Variants in MIIP observed in about 807,000 individuals in gnomAD.
MIIP encodes the protein migration and invasion-inhibitory protein.
Under a neutral mutation model 44.8 loss-of-function variants are expected in MIIP, and 44 were observed. The ratio of observed to expected loss-of-function variants is 0.98; its 90% CI spans 0.77 to 1.26. The LOEUF (loss-of-function observed/expected upper bound fraction) is 1.26. MIIP is among the 50% of genes most tolerant of loss of function. MIIP has a pLI of 0.00. For synonymous variants in MIIP, 225 were observed against 218.3 expected (o/e 1.03, Z -0.27); for missense variants, 496 against 511.7 (o/e 0.97, Z 0.30).
chr1:12,031,584 C>G, intron 9 of MIIP, 138 bp from the exon 10 acceptor site: 1 of 1,605,074 alleles, frequency 6.2e-7, no homozygotes, highest in Non-Finnish European at 8.5e-7. Context: ...CTCGGAACTC[C>G]TCTGCTCCCT....
chr1:12,022,055 C>G (rs1423226972), intron 2 of MIIP, 40 bp from the exon 3 acceptor site: 1 of 1,591,934 alleles, frequency 6.3e-7, no homozygotes, highest in African/African-American at 1.3e-5. Context: ...TGGGTAGGTT[C>G]TGGCAGCCAC....
At chr1:12,030,675 T>C (rs1186883168) in intron 8 of MIIP, among the ~76,000 whole-genome samples, 1 of 143,990 alleles carries the variant, frequency 6.9e-6, no homozygotes, top group Non-Finnish European at 1.5e-5. Flanking sequence ...CTTGGGAGGC[T>C]GAGGTGGGAG....
intron 4 of MIIP, among the ~76,000 whole-genome samples, chr1:12,025,981 A>G (rs1165304869): frequency 6.6e-6 from 1 of 151,470 alleles, no homozygotes; most frequent in Non-Finnish European, 1.5e-5. Context: ...TACACACATA[A>G]TGGGGTGGCC....
intron 4 of MIIP, among the ~76,000 whole-genome samples, chr1:12,027,529 C>T (rs1640129247): frequency 1.3e-5 from 2 of 152,162 alleles, no homozygotes; most frequent in Admixed American, 6.6e-5. Context: ...TGTTGGTGCT[C>T]CTTCCCAGGC....
chr1:12,019,648 A>C (rs1028886681), intron 1 of MIIP, 96 bp downstream of exon 1: 1 of 152,338 alleles, frequency 6.6e-6, no homozygotes, highest in Non-Finnish European at 1.5e-5. Context: ...GCAGTGGAAA[A>C]GAAGGGTAGG....
rs1303799599 is a variant in MIIP at position 12,031,872 on chromosome 1, A to G, written c.*64A>G. 2.0e-6 allele frequency: 3 copies of G among 1,510,978 alleles called. No homozygotes were observed. The African/African-American group carries it at 4.1e-5, about 21-fold the overall frequency. 93.6% of individuals were successfully genotyped at this position (1,510,978 alleles called of 1,614,324 possible). ...CCAGCCTCTCCCCTCTGGCAGGCGC[A>G]CCCAGGAGATGGAATCCCCTGCCCG... On this transcript the variant is annotated 3_prime_UTR_variant, in exon 10 of 10. Coordinates refer to ENST00000235332, the MANE Select transcript of MIIP (RefSeq NM_021933.4).
At chr1:12,025,521 TAGC>T (rs930732157) in intron 4 of MIIP, among the ~76,000 whole-genome samples, 2 of 152,170 alleles carry the variant, frequency 1.3e-5, no homozygotes, top group Non-Finnish European at 2.9e-5. Flanking sequence ...ACTTTTGACA[TAGC>T]AGCCAGAGGG....
chr1:12,024,694 A>G (rs140109257), intron 4 of MIIP, among the ~76,000 whole-genome samples: 1 of 152,308 alleles, frequency 6.6e-6, no homozygotes, highest in East Asian at 1.9e-4. Context: ...TACAGGCGTG[A>G]GCCACTGCTC....
intron 4 of MIIP, among the ~76,000 whole-genome samples, chr1:12,026,635 G>T (rs984615463): frequency 6.6e-6 from 1 of 152,152 alleles, no homozygotes; most frequent in Non-Finnish European, 1.5e-5. Flanking sequence ...GAGCATGAAC[G>T]TGCAGGAAGC....
intron 4 of MIIP, among the ~76,000 whole-genome samples, chr1:12,025,808 C>A (rs981661290): frequency 2.0e-5 from 3 of 152,094 alleles, no homozygotes; most frequent in Non-Finnish European, 2.9e-5. Flanking sequence ...TCAAGCAATT[C>A]TTCCTCAGCC....
Position 12,031,970 on chromosome 1 carries a change from A to T in MIIP, c.*162A>T, listed in dbSNP as rs1381733070. On this transcript the variant is annotated 3_prime_UTR_variant, in exon 10 of 10. Transcript: ENST00000235332. ...AGCTTGTCTGCTGCCTGAGTTCCAGAGAGGGAGGACCCTGGGGTGGAGGGT... is the reference window on the plus strand; with the variant it reads ...AGCTTGTCTGCTGCCTGAGTTCCAGTGAGGGAGGACCCTGGGGTGGAGGGT... 1.5e-6 allele frequency: 1 copy of T among 668,542 alleles called. No individual in the cohort carries two copies. The highest frequency in any genetic ancestry group is 2.6e-6 in the Non-Finnish European group (1 of 390,590). The allele number at this position is 668,542 out of a possible 1,614,324, so 41.4% of individuals were successfully genotyped here. A position where few individuals can be genotyped will look rare whatever the true frequency, so the allele number is the denominator to read the frequency against.
chr1:12,026,717 C>T (rs773902028), intron 4 of MIIP, among the ~76,000 whole-genome samples: 57 of 152,206 alleles, frequency 3.7e-4, no homozygotes, highest in Non-Finnish European at 6.6e-4. Flanking sequence ...CTGTTCCTCC[C>T]GCTGACTCCT....
rs536721639 is a variant in MIIP at position 12,022,665 on chromosome 1, A to G, written c.463-168A>G. 1.3e-5 allele frequency among the ~76,000 whole-genome samples: 2 copies of G among 152,348 alleles called. 1 individual carries two copies. Among genetic ancestry groups the G allele is most frequent in the South Asian group, 4.1e-4 (2 of 4,832 alleles). Reference sequence around the variant, plus strand: ...GGCCAGGATTTGTTCACAGCCACACATAAAGTGGGGCCAAACGTTTCCCTT... The same window carrying G: ...GGCCAGGATTTGTTCACAGCCACACGTAAAGTGGGGCCAAACGTTTCCCTT... On this transcript the variant is annotated intron_variant, in intron 3 of 9. Transcript: ENST00000235332.
rs535002460 is a variant in MIIP, at chr1:12,022,387, C to T, written c.407C>T (p.Pro136Leu). 14 of 1,608,946 alleles carry T rather than the reference C, an allele frequency of 8.7e-6. No individual in the cohort carries two copies. Among genetic ancestry groups the T allele is most frequent in the African/African-American group, 6.7e-5 (5 of 74,610 alleles). ...EPSGRLGDPG[P>L]QEAQTPRSIL... ...TCAGGGAGGCTGGGTGATCCAGGAC[C>T]CCAGGAGGCACAGACCCCGAGGTCC... The change falls in exon 3 of 10, where the codon CCC becomes CTC. Residue 136 changes from proline to leucine, a missense_variant. Coordinates refer to ENST00000235332, the MANE Select transcript of MIIP (RefSeq NM_021933.4).
intron 4 of MIIP, among the ~76,000 whole-genome samples, chr1:12,026,118 A>G (rs566297156): frequency 1.2e-4 from 18 of 152,062 alleles, no homozygotes; most frequent in South Asian, 2.1e-4. Context: ...CAGCCTGAGC[A>G]TCGTGGTGAA....
At chr1:12,022,715 C>A in intron 3 of MIIP, 118 bp from the exon 4 acceptor site, 2 of 825,656 alleles carry the variant, frequency 2.4e-6, no homozygotes, top group Non-Finnish European at 3.9e-6. Context: ...CTTGGCTGAG[C>A]CCTGGGCTGC....
chr1:12,024,099 G>C (rs1253576829), intron 4 of MIIP: 1 of 152,122 alleles, frequency 6.6e-6, no homozygotes, highest in Non-Finnish European at 1.5e-5. Context: ...ATACAATTGC[G>C]ATAACTCACT....
At chr1:12,031,525 G>A in intron 9 of MIIP, 122 bp downstream of exon 9, 2 of 1,562,204 alleles carry the variant, frequency 1.3e-6, no homozygotes, top group East Asian at 2.3e-5. Context: ...TGGAGCCTGG[G>A]AGTGTCTCTC....
intron 3 of MIIP, 101 bp from the exon 4 acceptor site, chr1:12,022,732 G>C: frequency 1.1e-6 from 1 of 932,046 alleles, no homozygotes; most frequent in South Asian, 1.5e-5. Flanking sequence ...CTGCAAGTCA[G>C]GGTGTAAGTT....
Sources: gnomAD v4.1 joint callset for allele counts (sites outside exome capture counted in the v4.1 genomes callset) on GRCh38, gnomAD v4.1.1 for gene constraint, MANE v1.5 for transcripts, NCBI Gene and HGNC (gene_info 2026-07-23, HGNC 2026-07-21) for gene names.